Variants in CDC27 observed in about 807,000 individuals in gnomAD.
CDC27 encodes the protein cell division cycle 27.
A neutral mutation model predicts 109.7 loss-of-function variants in CDC27; 27 were observed. The observed-to-expected ratio is 0.25, with a 90% CI of 0.18 to 0.34. CDC27 has a LOEUF of 0.34. CDC27 is among the 10% of genes least tolerant of loss of function. The pLI is 1.00. For synonymous variants in CDC27, 266 were observed against 333.9 expected (o/e 0.80, Z 2.22); for missense variants, 579 against 960.2 (o/e 0.60, Z 5.25).
chr17:47,137,777 C>A (rs998245814), intron 13 of CDC27, among the ~76,000 whole-genome samples: 1 of 150,972 alleles, frequency 6.6e-6, no homozygotes, highest in Non-Finnish European at 1.5e-5. Context: ...TGGCTTCAGG[C>A]AAGTCACCTC....
chr17:47,171,805 A>C, intron 3 of CDC27, 112 bp downstream of exon 3: 1 of 686,682 alleles, frequency 1.5e-6, no homozygotes, highest in Admixed American at 3.3e-5. Flanking sequence ...TGTTACTGAA[A>C]TAGATGGAAA....
chr17:47,148,160 C>A (rs1296772563), intron 9 of CDC27, among the ~76,000 whole-genome samples: 1 of 149,424 alleles, frequency 6.7e-6, no homozygotes, highest in Admixed American at 6.7e-5. Flanking sequence ...GATTGTGCCA[C>A]TGCACTCCAG....
At chr17:47,128,935 C>G (rs2062233416) in intron 16 of CDC27, among the ~76,000 whole-genome samples, 2 of 152,070 alleles carry the variant, frequency 1.3e-5, no homozygotes, top group Non-Finnish European at 2.9e-5. Context: ...CCATGCCCAG[C>G]TAATTTTTTG....
intron 1 of CDC27, among the ~76,000 whole-genome samples, chr17:47,182,156 T>C (rs754036649): frequency 2.9e-4 from 44 of 152,298 alleles, no homozygotes; most frequent in Non-Finnish European, 5.3e-4. Flanking sequence ...ATGTATGTCA[T>C]CCTCCCACAA....
chr17:47,158,311 G>A lies in CDC27; in HGVS notation c.378-8C>T. 6.8e-7 allele frequency: 1 copy of A among 1,460,576 alleles called. No individual in the cohort carries two copies. Among genetic ancestry groups the A allele is most frequent in the Non-Finnish European group, 9.2e-7 (1 of 1,085,446 alleles). The allele number at this position is 1,460,576 out of a possible 1,614,324, so 90.5% of individuals were successfully genotyped here. A position where few individuals can be genotyped will look rare whatever the true frequency, so the allele number is the denominator to read the frequency against. On this transcript the variant is annotated splice_polypyrimidine_tract_variant and splice_region_variant and intron_variant, in intron 4 of 18. Coordinates refer to ENST00000066544, the MANE Select transcript of CDC27 (RefSeq NM_001256.6). ...GCAAGCCGATCTGTCTTGCTGTGGA[G>A]AGAAACAAGTAGATTAAATAAGCTA... is the stretch of plus-strand genomic sequence containing the variant.
At chr17:47,157,467 C>A in intron 5 of CDC27, 83 bp from the exon 6 acceptor site, 1 of 1,040,268 alleles carries the variant, frequency 9.6e-7, no homozygotes, top group Middle Eastern at 2.3e-4. Context: ...TCAGTGGAAA[C>A]AGGAAATAGG....
intron 18 of CDC27, among the ~76,000 whole-genome samples, chr17:47,121,708 C>T (rs2061986559): frequency 1.3e-5 from 2 of 151,720 alleles, no homozygotes; most frequent in African/African-American, 4.8e-5. Flanking sequence ...GCTGCGATTA[C>T]ATACGCAAGC....
intron 2 of CDC27, among the ~76,000 whole-genome samples, 192 bp from the exon 3 acceptor site, chr17:47,172,256 G>T (rs1370207685): frequency 6.6e-6 from 1 of 152,050 alleles, no homozygotes; most frequent in Non-Finnish European, 1.5e-5. Context: ...CTTAGATCTT[G>T]ATTACTTTTC....
At chr17:47,133,952 T>C (rs1360383476) in intron 14 of CDC27, among the ~76,000 whole-genome samples, 1 of 152,162 alleles carries the variant, frequency 6.6e-6, no homozygotes, top group Non-Finnish European at 1.5e-5. Flanking sequence ...GGTTTCCCCA[T>C]GTTGGCCAGG....
chr17:47,125,410 C>T (rs1389721510), intron 16 of CDC27, among the ~76,000 whole-genome samples: 1 of 151,482 alleles, frequency 6.6e-6, no homozygotes, highest in African/African-American at 2.4e-5. Context: ...CCATGCCTGG[C>T]TAATTTTTGT....
chr17:47,139,507 T>A (rs1291091532), intron 12 of CDC27, among the ~76,000 whole-genome samples: 4 of 152,122 alleles, frequency 2.6e-5, no homozygotes, highest in Admixed American at 1.3e-4. Context: ...GACCTTGTGA[T>A]CCACCCGCCT....
intron 4 of CDC27, 76 bp downstream of exon 4, chr17:47,169,841 C>G (rs1435345411): frequency 2.4e-6 from 3 of 1,258,628 alleles, no homozygotes; most frequent in Non-Finnish European, 2.2e-6. Flanking sequence ...AAACACTGAT[C>G]AACATAGGTT....
In CDC27 at chr17:47,179,944, C is replaced by T. The variant is rs2064158889; in HGVS notation, c.103+1618G>A. ...AAACTGCCTATTCTTTAATAATAAA[C>T]AAAAACAAAAAGGAAATACTAGAAA... On this transcript the variant is annotated intron_variant, in intron 2 of 18. Coordinates refer to ENST00000066544, the MANE Select transcript of CDC27 (RefSeq NM_001256.6). Among the ~76,000 whole-genome samples the T allele has an allele frequency of 3.3e-5, 5 of 152,122 alleles. No individual in the cohort carries two copies. The South Asian group carries it at 1.0e-3, about 32-fold the overall frequency.
At chr17:47,169,040 G>A (rs1461792315) in intron 4 of CDC27, among the ~76,000 whole-genome samples, 1 of 146,246 alleles carries the variant, frequency 6.8e-6, no homozygotes, top group Non-Finnish European at 1.5e-5. Flanking sequence ...TACCCAGGCT[G>A]GAGTGCAGTG....
chr17:47,187,365 A>G (rs1391069525), intron 1 of CDC27, among the ~76,000 whole-genome samples: 1 of 152,100 alleles, frequency 6.6e-6, no homozygotes, highest in East Asian at 1.9e-4. Flanking sequence ...CAGCGGGACC[A>G]TGTCGGCTCA....
At chr17:47,151,589 C>T (rs1281765339) in intron 9 of CDC27, among the ~76,000 whole-genome samples, 1 of 152,136 alleles carries the variant, frequency 6.6e-6, no homozygotes, top group East Asian at 1.9e-4. Flanking sequence ...TCAGAGTAAA[C>T]TAAAATGCTG....
At chr17:47,128,781 T>A (rs571175712) in intron 16 of CDC27, among the ~76,000 whole-genome samples, 1 of 151,154 alleles carries the variant, frequency 6.6e-6, no homozygotes, top group East Asian at 1.9e-4. Context: ...ATTTTTTTTT[T>A]TTTTTTTGAG....
chr17:47,187,606 A>G (rs2064493642), intron 1 of CDC27, among the ~76,000 whole-genome samples: 1 of 152,060 alleles, frequency 6.6e-6, no homozygotes, highest in South Asian at 2.1e-4. Context: ...CCGGCCTTCC[A>G]TGCTTTTATA....
intron 16 of CDC27, 82 bp downstream of exon 16, chr17:47,129,311 T>C (rs914024731): frequency 7.2e-5 from 78 of 1,084,026 alleles, no homozygotes; most frequent in Non-Finnish European, 9.7e-5. Flanking sequence ...ATTAAATAAA[T>C]AACTTTCAGT....
Sources: allele counts gnomAD v4.1 joint callset (sites outside exome capture counted in the v4.1 genomes callset), GRCh38; gene constraint gnomAD v4.1.1; transcripts MANE v1.5; gene names NCBI Gene and HGNC (gene_info 2026-07-23, HGNC 2026-07-21).